Variants in SPIRE1 observed in about 807,000 individuals in gnomAD.
The protein encoded by SPIRE1 is spire type actin nucleation factor 1.
Under a neutral mutation model 94.1 loss-of-function variants are expected in SPIRE1, and 40 were observed. The ratio of observed to expected loss-of-function variants is 0.43; its 90% CI spans 0.33 to 0.55. The LOEUF is 0.55. Among genes scored for constraint, SPIRE1 ranks in the 20% least tolerant of loss-of-function variants. The probability of loss-of-function intolerance (pLI) is 0.06; values close to 1 mark genes in which losing one functional copy is unlikely to be tolerated. For synonymous variants in SPIRE1, 376 were observed against 371.7 expected (o/e 1.01, Z -0.13); for missense variants, 838 against 975.2 (o/e 0.86, Z 1.87).
At chr18:12,454,575 C>T (rs1456822367) in intron 12 of SPIRE1, 92 bp from the exon 13 acceptor site, 4 of 1,208,942 alleles carry the variant, frequency 3.3e-6, no homozygotes, top group Non-Finnish European at 4.8e-6. Context: ...TGATTAGTAG[C>T]TTCAGAGAAG....
intron 10 of SPIRE1, among the ~76,000 whole-genome samples, chr18:12,471,384 C>CTTT (rs975751031): frequency 1.5e-5 from 2 of 137,662 alleles, no homozygotes; most frequent in South Asian, 2.3e-4. Flanking sequence ...TGGTTTCTTT[C>CTTT]TTTTTTTTTT....
chr18:12,588,702 C>T (rs1432494988), intron 2 of SPIRE1, among the ~76,000 whole-genome samples: 1 of 107,296 alleles, frequency 9.3e-6, no homozygotes, highest in Non-Finnish European at 2.3e-5. Flanking sequence ...TAGTGCTGAC[C>T]TATTAATTGT....
At chr18:12,604,395 C>T (rs755103181) in intron 2 of SPIRE1, among the ~76,000 whole-genome samples, 3 of 152,138 alleles carry the variant, frequency 2.0e-5, no homozygotes, top group Non-Finnish European at 2.9e-5. Flanking sequence ...TCCCCACACA[C>T]TTCTTGGTGA....
At chr18:12,646,240 C>T (rs2038221999) in intron 1 of SPIRE1, among the ~76,000 whole-genome samples, 1 of 152,112 alleles carries the variant, frequency 6.6e-6, no homozygotes, top group Admixed American at 6.6e-5. Context: ...TCCTGGAGAC[C>T]TCCAGAAACC....
upstream of SPIRE1, chr18:12,662,057 T>C: frequency 2.8e-6 from 1 of 352,736 alleles, no homozygotes; most frequent in Non-Finnish European, 5.7e-6. Flanking sequence ...TCATGCTTCA[T>C]ACTCTGGAGG....
In SPIRE1 at chr18:12,449,764, T is replaced by TGA; in HGVS notation, c.2143_2144dup (p.Ser716GlnfsTer15). 6.2e-7 allele frequency: 1 copy of TGA among 1,614,158 alleles called. No homozygotes were observed. The highest frequency in any genetic ancestry group is 8.5e-7 in the Non-Finnish European group (1 of 1,180,024). Reference sequence around the variant, plus strand: ...TGGCCAACACCAGACTGCGCCGGCTTGAACTGATGATTTCCGAAATGAACT... The same window carrying TGA: ...TGGCCAACACCAGACTGCGCCGGCTTGAGAACTGATGATTTCCGAAATGAACT... On this transcript the variant is annotated frameshift_variant, in exon 17 of 17. Transcript: ENST00000409402. LOFTEE classifies it high-confidence loss of function.
chr18:12,636,303 C>G (rs1241353115), intron 1 of SPIRE1: 2 of 152,194 alleles, frequency 1.3e-5, no homozygotes, highest in African/African-American at 4.8e-5. Flanking sequence ...CCTCCCACTT[C>G]TTCCTCTCCC....
At chr18:12,605,817 G>A (rs1249345357) in intron 2 of SPIRE1, among the ~76,000 whole-genome samples, 4 of 151,094 alleles carry the variant, frequency 2.6e-5, no homozygotes, top group Admixed American at 1.3e-4. Context: ...TTCTCCAAAG[G>A]TTTCCAGATT....
intron 4 of SPIRE1, among the ~76,000 whole-genome samples, chr18:12,522,305 C>T (rs1446810992): frequency 2.0e-5 from 3 of 152,188 alleles, no homozygotes; most frequent in East Asian, 1.9e-4. Flanking sequence ...TAAACCAAAA[C>T]CTAATCCTAA....
intron 10 of SPIRE1, among the ~76,000 whole-genome samples, chr18:12,474,815 T>A (rs1260922363): frequency 2.6e-5 from 4 of 151,728 alleles, no homozygotes; most frequent in African/African-American, 7.3e-5. Flanking sequence ...TGAGGCTCCA[T>A]CTCAAAAAAC....
chr18:12,622,612 CA>C, intron 2 of SPIRE1, among the ~76,000 whole-genome samples: 1 of 150,060 alleles, frequency 6.7e-6, no homozygotes, highest in African/African-American at 2.4e-5. Flanking sequence ...TTAGTAGAGA[CA>C]GGGTTTCACT....
chr18:12,649,213 AGCAGTCTGG>A (rs1314651983), intron 1 of SPIRE1, among the ~76,000 whole-genome samples: 1 of 152,128 alleles, frequency 6.6e-6, no homozygotes, highest in African/African-American at 2.4e-5. Context: ...GGAGTTCAAG[AGCAGTCTGG>A]GCAACATTTT....
chr18:12,467,848 C>T (rs555005398), intron 10 of SPIRE1, among the ~76,000 whole-genome samples: 1 of 152,170 alleles, frequency 6.6e-6, no homozygotes, highest in South Asian at 2.1e-4. Flanking sequence ...ACTCAGGAGG[C>T]TGAGGCATGA....
At chr18:12,537,059 T>C (rs2034864438) in intron 3 of SPIRE1, among the ~76,000 whole-genome samples, 1 of 152,230 alleles carries the variant, frequency 6.6e-6, no homozygotes, top group Non-Finnish European at 1.5e-5. Flanking sequence ...AATAGATCAC[T>C]AGCTTTTACA....
chr18:12,541,407 A>C (rs935894046), intron 3 of SPIRE1, among the ~76,000 whole-genome samples: 2 of 152,170 alleles, frequency 1.3e-5, no homozygotes, highest in Non-Finnish European at 2.9e-5. Flanking sequence ...GAGGTATTTT[A>C]AACCTCCCTC....
chr18:12,461,534 C>T (rs1462122011), intron 12 of SPIRE1, among the ~76,000 whole-genome samples: 3 of 146,748 alleles, frequency 2.0e-5, no homozygotes, highest in East Asian at 2.0e-4. Context: ...GTGGTATGTA[C>T]GTACATATGT....
intron 4 of SPIRE1, among the ~76,000 whole-genome samples, chr18:12,528,228 A>G (rs1490231397): frequency 6.6e-6 from 1 of 152,176 alleles, no homozygotes; most frequent in Non-Finnish European, 1.5e-5. Context: ...CCCTAAATCT[A>G]TGACAGGACT....
intron 1 of SPIRE1, among the ~76,000 whole-genome samples, chr18:12,637,422 A>G (rs1212077463): frequency 6.6e-6 from 1 of 152,120 alleles, no homozygotes; most frequent in East Asian, 1.9e-4. Context: ...CTGAAGATAA[A>G]GAGAATTACA....
At chr18:12,475,361 A>G (rs2032522441) in intron 10 of SPIRE1, among the ~76,000 whole-genome samples, 1 of 152,184 alleles carries the variant, frequency 6.6e-6, no homozygotes, top group Admixed American at 6.5e-5. Context: ...TGTGCTCACT[A>G]AGCACTTGGA....
Sources: gnomAD v4.1 joint callset for allele counts (sites outside exome capture counted in the v4.1 genomes callset) on GRCh38, gnomAD v4.1.1 for gene constraint, MANE v1.5 for transcripts, NCBI Gene and HGNC (gene_info 2026-07-23, HGNC 2026-07-21) for gene names.